The following ROR1 variants were observed in gnomAD, a reference collection of about 807,000 sequenced individuals.
ROR1 encodes the protein ROR family WNT receptor 1.
A neutral mutation model predicts 78.8 loss-of-function variants in ROR1; 19 were observed. The ratio of observed to expected loss-of-function variants is 0.24; its 90% CI spans 0.17 to 0.35. The LOEUF (loss-of-function observed/expected upper bound fraction) is 0.35, where lower values mean the gene tolerates loss of function less well. Ranked by LOEUF, ROR1 falls within the 10% of genes least tolerant of loss-of-function variation. The pLI is 1.00. For missense variants in ROR1, 917 were observed against 1,177.8 expected (o/e 0.78, Z 3.24); for synonymous variants, 386 against 433.6 (o/e 0.89, Z 1.36).
chr1:63,782,734 C>T (rs916975439), intron 1 of ROR1, among the ~76,000 whole-genome samples: 3 of 152,098 alleles, frequency 2.0e-5, no homozygotes, highest in Non-Finnish European at 2.9e-5. Flanking sequence ...GTAAATTAAA[C>T]CCCTTCCCAA....
intron 1 of ROR1, among the ~76,000 whole-genome samples, chr1:63,946,996 C>T (rs1333737341): frequency 6.6e-6 from 1 of 152,168 alleles, no homozygotes; most frequent in Non-Finnish European, 1.5e-5. Context: ...CCAAATCCTT[C>T]CTGCCAGTGG....
intron 1 of ROR1, among the ~76,000 whole-genome samples, chr1:63,964,178 A>G (rs1165448825): frequency 6.6e-6 from 1 of 152,184 alleles, no homozygotes; most frequent in Admixed American, 6.5e-5. Flanking sequence ...TTAGGGGCAT[A>G]TAGCCACCTA....
intron 1 of ROR1, among the ~76,000 whole-genome samples, chr1:63,801,116 GTAT>G (rs1644794435): frequency 6.6e-6 from 1 of 151,978 alleles, no homozygotes; most frequent in East Asian, 1.9e-4. Context: ...GAAAATTGCT[GTAT>G]TATTATGATT....
chr1:64,036,278 A>G (rs1285833938), intron 2 of ROR1, among the ~76,000 whole-genome samples: 1 of 152,090 alleles, frequency 6.6e-6, no homozygotes, highest in Non-Finnish European at 1.5e-5. Context: ...CATCCAGTAA[A>G]TATAAACTGA....
At position 63,774,824 on chromosome 1, in the gene ROR1, T is replaced by C. The variant is rs1331915885; in HGVS notation, c.91+316T>C. On this transcript the variant is annotated intron_variant, in intron 1 of 8. Transcript: ENST00000371079. This position sits in a 1 kb window ranked among gnomAD's most constrained non-coding sequence, Gnocchi z 5.7. ...GTCCTGGGGGTGATCGGGGCACTTC[T>C]GTGCAGGGCGTCCCCCCTTGTCTCC... Among the ~76,000 whole-genome samples, 1 of 151,980 alleles carries C rather than the reference T, an allele frequency of 6.6e-6. No individual in the cohort carries two copies. The highest frequency in any genetic ancestry group is 2.4e-5 in the African/African-American group (1 of 41,426).
intron 1 of ROR1, among the ~76,000 whole-genome samples, chr1:63,787,468 T>TCCTG (rs1273279088): frequency 6.8e-4 from 79 of 115,386 alleles, no homozygotes; most frequent in African/African-American, 2.8e-3. Context: ...CTTCCTTCCT[T>TCCTG]CCTTCCTTCC....
intron 2 of ROR1, among the ~76,000 whole-genome samples, chr1:64,020,033 G>A (rs1646552179): frequency 6.6e-6 from 1 of 152,138 alleles, no homozygotes; most frequent in Admixed American, 6.5e-5. Context: ...ACGTGATGCA[G>A]CCACAAGCTC....
At chr1:64,126,687 T>C (rs1648724059) in intron 4 of ROR1, among the ~76,000 whole-genome samples, 1 of 152,188 alleles carries the variant, frequency 6.6e-6, no homozygotes, top group African/African-American at 2.4e-5. Context: ...GGTCTTCTCA[T>C]TTCCAGTCCG....
intron 1 of ROR1, among the ~76,000 whole-genome samples, chr1:63,968,302 A>G (rs1646092060): frequency 6.6e-6 from 1 of 152,224 alleles, no homozygotes; most frequent in South Asian, 2.1e-4. Context: ...TATAAACTTG[A>G]TAAGAATATT....
intron 2 of ROR1, among the ~76,000 whole-genome samples, chr1:64,031,012 G>A (rs1206169439): frequency 2.0e-5 from 3 of 152,064 alleles, no homozygotes; most frequent in Non-Finnish European, 4.4e-5. Flanking sequence ...GAGTAGCTGG[G>A]ATTCCAGGCA....
At chr1:63,864,716 C>A (rs1645203787) in intron 1 of ROR1, among the ~76,000 whole-genome samples, 1 of 151,834 alleles carries the variant, frequency 6.6e-6, no homozygotes, top group South Asian at 2.1e-4. Context: ...CAAATGTCCT[C>A]CCACCCCTTG....
intron 2 of ROR1, among the ~76,000 whole-genome samples, chr1:64,048,830 A>G (rs985947345): frequency 1.3e-5 from 2 of 152,094 alleles, no homozygotes; most frequent in African/African-American, 4.8e-5. Context: ...AAATTAACCT[A>G]TGGTAATAGA....
intron 1 of ROR1, among the ~76,000 whole-genome samples, chr1:63,989,167 T>G (rs1203558436): frequency 5.5e-5 from 8 of 146,486 alleles, no homozygotes; most frequent in Non-Finnish European, 4.5e-5. Flanking sequence ...TTTCTGTTTT[T>G]GTTTTTTTTT....
chr1:63,955,207 T>G (rs1645971469), intron 1 of ROR1, among the ~76,000 whole-genome samples: 1 of 152,180 alleles, frequency 6.6e-6, no homozygotes, highest in Non-Finnish European at 1.5e-5. Context: ...TAAGTTCAAA[T>G]GTCTGAAGGG....
chr1:63,975,205 GA>G (rs1646149504), intron 1 of ROR1, among the ~76,000 whole-genome samples: 1 of 151,916 alleles, frequency 6.6e-6, no homozygotes, highest in Non-Finnish European at 1.5e-5. Flanking sequence ...GAAGGAAGAG[GA>G]AAAAAGAGGA....
chr1:64,056,848 A>AT (rs1321199555), intron 4 of ROR1, among the ~76,000 whole-genome samples: 1 of 152,094 alleles, frequency 6.6e-6, no homozygotes, highest in East Asian at 1.9e-4. Context: ...CTTTTTACCC[A>AT]TTTTTTAAAT....
chr1:64,017,217 C>T (rs2100552435), intron 2 of ROR1, among the ~76,000 whole-genome samples: 1 of 152,248 alleles, frequency 6.6e-6, no homozygotes, highest in South Asian at 2.1e-4. Flanking sequence ...GGAACACCTT[C>T]CTGATAGGAG....
chr1:63,902,110 T>G (rs985439595), intron 1 of ROR1, among the ~76,000 whole-genome samples: 2 of 152,194 alleles, frequency 1.3e-5, no homozygotes, highest in Non-Finnish European at 2.9e-5. Flanking sequence ...TTTTTGAATA[T>G]ATTCAGTTTA....
At chr1:63,995,926 C>A (rs1481315352) in intron 1 of ROR1, among the ~76,000 whole-genome samples, 1 of 152,046 alleles carries the variant, frequency 6.6e-6, no homozygotes, top group Non-Finnish European at 1.5e-5. Context: ...CACTCCACCT[C>A]TTCATTGGAG....
Sources: gnomAD v4.1 joint callset for allele counts (sites outside exome capture counted in the v4.1 genomes callset) on GRCh38, gnomAD v4.1.1 for gene constraint, Gnocchi (gnomAD v3.1) non-coding constraint, MANE v1.5 for transcripts, NCBI Gene and HGNC (gene_info 2026-07-23, HGNC 2026-07-21) for gene names.